BPIFB6: variants seen among roughly 807,000 people sequenced by gnomAD.
The protein encoded by BPIFB6 is BPI fold-containing family B member 6.
In BPIFB6, 47 loss-of-function variants were observed where a neutral mutation model predicts 54.7. The ratio of observed to expected loss-of-function variants is 0.86; its 90% CI spans 0.68 to 1.10. BPIFB6 has a LOEUF of 1.10. Among genes scored for constraint, BPIFB6 ranks in the 50% least tolerant of loss-of-function variants. BPIFB6 has a pLI of 0.00. For missense variants in BPIFB6, 603 were observed against 564.1 expected (o/e 1.07, Z -0.70); for synonymous variants, 255 against 225.9 (o/e 1.13, Z -1.16).
At chr20:33,039,143 T>C (rs980048892) in intron 9 of BPIFB6, among the ~76,000 whole-genome samples, 181 bp downstream of exon 9, 4 of 152,252 alleles carry the variant, frequency 2.6e-5, no homozygotes, top group African/African-American at 9.6e-5. Flanking sequence ...GCTCTACTTT[T>C]GTGCATTGTA....
chr20:33,033,258 C>G (rs886408184), intron 2 of BPIFB6, 175 bp downstream of exon 2: 12 of 687,412 alleles, frequency 1.7e-5, no homozygotes, highest in Non-Finnish European at 3.3e-5. Context: ...CTGCCTGTGC[C>G]TGGACCTCCT....
chr20:33,035,774 C>G, intron 6 of BPIFB6, 102 bp downstream of exon 6: 2 of 1,261,228 alleles, frequency 1.6e-6, no homozygotes, highest in Non-Finnish European at 2.3e-6. Flanking sequence ...CCAGCCCAGC[C>G]TTGGGACTAG....
chr20:33,037,690 GC>G lies in BPIFB6; in HGVS notation c.799del (p.Ala268ProfsTer9), dbSNP rs1402083172. On this transcript the variant is annotated frameshift_variant, in exon 8 of 15. Coordinates refer to ENST00000349552, the MANE Select transcript of BPIFB6 (RefSeq NM_174897.2). LOFTEE classifies it high-confidence loss of function. ...TCCCAGCCACCTTCCTCTCTGCAGA[GC>G]TTGCCCTTCTGCAGAAGTCCTTTCA... ...LLPATFLSAE[L>X]ALLQKSFHVN... 1.9e-6 allele frequency: 3 copies of G among 1,614,054 alleles called. No individual in the cohort carries two copies. Among genetic ancestry groups the G allele is most frequent in the Non-Finnish European group, 2.5e-6 (3 of 1,180,042 alleles).
intron 5 of BPIFB6, 110 bp from the exon 6 acceptor site, chr20:33,035,502 C>T (rs1410118315): frequency 8.7e-7 from 1 of 1,153,562 alleles, no homozygotes; most frequent in African/African-American, 1.5e-5. Flanking sequence ...AGTTTTCTCC[C>T]CAGTCCCTGT....
At chr20:33,036,662 G>A (rs1338256344) in intron 7 of BPIFB6, 126 bp downstream of exon 7, 8 of 878,160 alleles carry the variant, frequency 9.1e-6, no homozygotes, top group Non-Finnish European at 1.5e-5. Context: ...TCAAGCCGTG[G>A]AGGCCAATGC....
At chr20:33,039,017 C>T (rs1979463358) in intron 9 of BPIFB6, 55 bp downstream of exon 9, 1 of 1,578,062 alleles carries the variant, frequency 6.3e-7, no homozygotes, top group Non-Finnish European at 8.7e-7. Context: ...TATTGTCCTC[C>T]AGTCTGTCCT....
At chr20:33,038,790 C>A in intron 8 of BPIFB6, 119 bp from the exon 9 acceptor site, 1 of 944,280 alleles carries the variant, frequency 1.1e-6, no homozygotes. Flanking sequence ...AAACTCAGAG[C>A]GTTAAGTATT....
At chr20:33,041,845 G>C (rs1979599134) in intron 11 of BPIFB6, 125 bp from the exon 12 acceptor site, 1 of 793,720 alleles carries the variant, frequency 1.3e-6, no homozygotes, top group African/African-American at 1.7e-5. Flanking sequence ...TCTGAAGGCT[G>C]TAGAGGGGAC....
chr20:33,034,627 T>C, intron 3 of BPIFB6, 136 bp from the exon 4 acceptor site: 1 of 993,780 alleles, frequency 1.0e-6, no homozygotes, highest in Non-Finnish European at 1.5e-6. Flanking sequence ...GCAGGTCCCA[T>C]CCCCTTTTCT....
chr20:33,035,977 T>C (rs1979325858), intron 6 of BPIFB6, among the ~76,000 whole-genome samples: 1 of 152,296 alleles, frequency 6.6e-6, no homozygotes, highest in African/African-American at 2.4e-5. Context: ...CCGATGGTAG[T>C]AATGCCTGAA....
chr20:33,035,706 C>G (rs769390593), intron 6 of BPIFB6, 34 bp downstream of exon 6: 4 of 1,595,564 alleles, frequency 2.5e-6, no homozygotes. Context: ...TTGCCCCTAC[C>G]TAGGGATATC....
rs200521254 is a variant in BPIFB6, at chr20:33,034,209, T to C, written c.221T>C (p.Leu74Pro). 1.4e-5 allele frequency: 23 copies of C among 1,614,036 alleles called. No individual in the cohort carries two copies. Among genetic ancestry groups the C allele is most frequent in the Non-Finnish European group, 1.9e-5 (22 of 1,179,996 alleles). ...ITNLKVKDVQLPVITLNFVPG... is the reference protein window; with the variant it reads ...ITNLKVKDVQPPVITLNFVPG... The stretch of plus-strand genomic sequence containing the variant: ...AGTTTGAAGGTGAAGGATGTCCAGC[T>C]GCCCGTCATCACACTGAACTTTGTA... Residue 74 changes from leucine to proline, a missense_variant, in exon 3 of 15, where the codon CTG becomes CCG. Coordinates refer to ENST00000349552, the MANE Select transcript of BPIFB6 (RefSeq NM_174897.2).
At position 33,041,941 on chromosome 20, in the gene BPIFB6, G is replaced by A. The variant is rs201395478; in HGVS notation, c.1143-29G>A. 68 of 1,611,568 alleles carry A rather than the reference G, an allele frequency of 4.2e-5. No homozygotes were observed. In the African/African-American group the frequency reaches 4.4e-4, roughly 10 times the overall value. ...GCTCTGACCGTTCTTTCCCCTCCCC[G>A]CCTGGCTTGCTTCCCCACTCCCCCA... On this transcript the variant is annotated intron_variant, in intron 11 of 14. Transcript: ENST00000349552.
At chr20:33,039,653 G>T (rs1979494664) in intron 10 of BPIFB6, 133 bp downstream of exon 10, 10 of 1,023,546 alleles carry the variant, frequency 9.8e-6, no homozygotes, top group Non-Finnish European at 1.2e-5. Flanking sequence ...CTGATCCTTG[G>T]CTCTGCCACT....
Position 33,037,639 on chromosome 20 carries a change from T to C in BPIFB6, c.747T>C (p.Tyr249=), listed in dbSNP as rs932505886. 6.2e-7 allele frequency: 1 copy of C among 1,614,168 alleles called. No homozygotes were observed. Among genetic ancestry groups the C allele is most frequent in the Non-Finnish European group, 8.5e-7 (1 of 1,180,024 alleles). ...AGEALTFPEG[Y]AKGSSQLLLP... ...AGGCCCTCACGTTCCCTGAGGGTTA[T>C]GCCAAAGGCTCGTCGCAGCTGCTGC... The change falls in exon 8 of 15, where the codon TAT becomes TAC. Residue 249 remains tyrosine (Y), a synonymous_variant. Transcript: ENST00000349552.
rs764973916 is a variant in BPIFB6 at position 33,034,782 on chromosome 20, G to A, written c.322G>A (p.Glu108Lys). The A allele has an allele frequency of 6.2e-7, 1 of 1,611,814 alleles. No homozygotes were observed. Among genetic ancestry groups the A allele is most frequent in the Non-Finnish European group, 8.5e-7 (1 of 1,178,306 alleles). Reference sequence around the variant, plus strand: ...CTCCAGCTTCATGGGAGGGAACATGGAGATCATCGTGGCCCTGAACATCAC... The same window carrying A: ...CTCCAGCTTCATGGGAGGGAACATGAAGATCATCGTGGCCCTGAACATCAC... ...TGKSFMGGNM[E>K]IIVALNITAT... The change falls in exon 4 of 15, where the codon GAG (glutamate) becomes AAG (lysine). Residue 108 changes from glutamate to lysine, a missense_variant. Coordinates refer to ENST00000349552, the MANE Select transcript of BPIFB6 (RefSeq NM_174897.2).
intron 11 of BPIFB6, 37 bp from the exon 12 acceptor site, chr20:33,041,933 C>T: frequency 6.2e-7 from 1 of 1,607,456 alleles, no homozygotes; most frequent in South Asian, 1.1e-5. Flanking sequence ...CCGTTCTTTC[C>T]CCTCCCCGCC....
Position 33,040,322 on chromosome 20 carries a change from C to T in BPIFB6, c.1142+4C>T, listed in dbSNP as rs368889894. Reference sequence around the variant, plus strand: ...AGATGGCCACTTCTTTGGACAGGTACGACCCTGCTGCCCAATGCTGGCATC... The same window carrying T: ...AGATGGCCACTTCTTTGGACAGGTATGACCCTGCTGCCCAATGCTGGCATC... On this transcript the variant is annotated splice_donor_region_variant and intron_variant, in intron 11 of 14. Coordinates refer to ENST00000349552, the MANE Select transcript of BPIFB6 (RefSeq NM_174897.2). 34 of 1,613,412 alleles carry T rather than the reference C, an allele frequency of 2.1e-5. No homozygotes were observed. Among genetic ancestry groups the T allele is most frequent in the South Asian group, 1.8e-4 (16 of 91,058 alleles).
chr20:33,043,252 C>T (rs758393227), intron 13 of BPIFB6, 39 bp from the exon 14 acceptor site: 5 of 1,579,594 alleles, frequency 3.2e-6, no homozygotes, highest in Admixed American at 3.3e-5. Context: ...ATCAACTGCA[C>T]AGCAGTCAGG....
Sources: allele counts gnomAD v4.1 joint callset (sites outside exome capture counted in the v4.1 genomes callset), GRCh38; gene constraint gnomAD v4.1.1; transcripts MANE v1.5; gene names NCBI Gene and HGNC (gene_info 2026-07-23, HGNC 2026-07-21).